The following GSG1L variants were observed in gnomAD, a reference collection of about 807,000 sequenced individuals.
GSG1L encodes germ cell-specific gene 1-like protein.
GSG1L carries 24 observed loss-of-function variants against 42.1 expected under a neutral mutation model. The observed-to-expected ratio is 0.57, with a 90% CI of 0.41 to 0.80. GSG1L has a LOEUF of 0.80. Ranked by LOEUF, GSG1L falls within the 30% of genes least tolerant of loss-of-function variation. GSG1L has a pLI of 0.00. For synonymous variants in GSG1L, 215 were observed against 203.5 expected (o/e 1.06, Z -0.48); for missense variants, 445 against 472.2 (o/e 0.94, Z 0.53).
At chr16:28,043,005 A>C (rs961820310) in intron 1 of GSG1L, among the ~76,000 whole-genome samples, 5 of 152,240 alleles carry the variant, frequency 3.3e-5, no homozygotes, top group African/African-American at 1.2e-4. Flanking sequence ...TCCTACGGAA[A>C]ATTGAATCAA....
At chr16:27,811,018 C>A (rs2083025122) in intron 5 of GSG1L, among the ~76,000 whole-genome samples, 1 of 151,762 alleles carries the variant, frequency 6.6e-6, no homozygotes, top group African/African-American at 2.4e-5. Context: ...AACATCTTGG[C>A]TATTTTCCTG....
chr16:27,916,106 C>T (rs979701251), intron 2 of GSG1L, among the ~76,000 whole-genome samples: 3 of 152,152 alleles, frequency 2.0e-5, no homozygotes, highest in African/African-American at 7.2e-5. Flanking sequence ...CCTCTAACCC[C>T]TGAGACACCC....
chr16:27,923,792 CAGAG>C (rs201590462), intron 2 of GSG1L, among the ~76,000 whole-genome samples: 8 of 148,194 alleles, frequency 5.4e-5, no homozygotes, highest in African/African-American at 1.5e-4. Flanking sequence ...GAAAGAAAGA[CAGAG>C]AGAGAGAGAG....
chr16:28,008,170 T>C (rs1299477124), intron 1 of GSG1L, among the ~76,000 whole-genome samples: 1 of 151,668 alleles, frequency 6.6e-6, no homozygotes. Flanking sequence ...ACCTCCGCCT[T>C]CTGGGTTCAA....
chr16:27,979,804 A>AG (rs1470175483), intron 1 of GSG1L, among the ~76,000 whole-genome samples: 13 of 125,996 alleles, frequency 1.0e-4, no homozygotes, highest in African/African-American at 4.0e-4. Context: ...AAGGAAAGAA[A>AG]GAAAGAAAGA....
rs1270622665 is a variant in GSG1L, at chr16:27,791,250, G to A, written c.*120C>T. On this transcript the variant is annotated 3_prime_UTR_variant, in exon 7 of 7. Transcript: ENST00000447459. ...GCAGGACAGGCCTGGCATCTCCCAC[G>A]CAGGCTGACTGAGTTCACGGCACAC... 2.1e-5 allele frequency: 12 copies of A among 573,256 alleles called. No homozygotes were observed. The highest frequency in any genetic ancestry group is 3.3e-5 in the East Asian group (1 of 30,148). The allele number at this position is 573,256 out of a possible 1,614,324, so 35.5% of individuals were successfully genotyped here.
intron 2 of GSG1L, among the ~76,000 whole-genome samples, chr16:27,910,609 T>C (rs938463943): frequency 6.6e-6 from 1 of 152,222 alleles, no homozygotes; most frequent in African/African-American, 2.4e-5. Flanking sequence ...ATGAACTGCA[T>C]GGTTCATGAC....
At chr16:27,980,331 C>T (rs77876799) in intron 1 of GSG1L, among the ~76,000 whole-genome samples, 4 of 152,106 alleles carry the variant, frequency 2.6e-5, no homozygotes, top group Non-Finnish European at 5.9e-5. Flanking sequence ...GTCTGAAGAT[C>T]GTGACTTAAT....
At chr16:27,895,932 G>C (rs1280159836) in intron 2 of GSG1L, among the ~76,000 whole-genome samples, 1 of 152,206 alleles carries the variant, frequency 6.6e-6, no homozygotes, top group East Asian at 1.9e-4. Context: ...GGAGATGACT[G>C]TTTTCTGCAT....
chr16:27,866,763 G>A (rs1216868689), intron 3 of GSG1L, among the ~76,000 whole-genome samples: 1 of 151,998 alleles, frequency 6.6e-6, no homozygotes, highest in East Asian at 1.9e-4. Context: ...GTAGAATCAG[G>A]GTTTCACCGC....
At chr16:28,060,429 T>C (rs1370318223) in intron 1 of GSG1L, among the ~76,000 whole-genome samples, 1 of 152,092 alleles carries the variant, frequency 6.6e-6, no homozygotes, top group Non-Finnish European at 1.5e-5. Flanking sequence ...ATAACTATTT[T>C]CCAAGCTCTC....
chr16:27,854,404 A>T (rs1046294919), intron 3 of GSG1L, among the ~76,000 whole-genome samples: 7 of 151,664 alleles, frequency 4.6e-5, no homozygotes, highest in Admixed American at 4.6e-4. Context: ...CCAAGAAGGA[A>T]TGAGCTGCAC....
chr16:27,879,974 TCTGC>T (rs10534653), intron 3 of GSG1L, among the ~76,000 whole-genome samples: 94,815 of 151,324 alleles, frequency 0.63, 30,266 homozygotes, highest in Admixed American at 0.75. Flanking sequence ...TGCCCCAGTC[TCTGC>T]TTTCTCTACC....
In GSG1L at chr16:27,791,419, T is replaced by C; in HGVS notation, c.947A>G (p.Glu316Gly). 6.5e-7 allele frequency: 1 copy of C among 1,529,202 alleles called. No individual in the cohort carries two copies. 94.7% of individuals were successfully genotyped at this position (1,529,202 alleles called of 1,614,324 possible). ...GCACTGTCGGTTCAGCTCTGGTGCT[T>C]CCTGTGCGGAGCTCCGGGGCCAGGA... ...ADSWPRSSAQ[E>G]APELNRQCWV... is the part of the protein sequence containing the mutation. The change falls in exon 7 of 7, where the codon GAA (glutamate) becomes GGA (glycine). Residue 316 changes from glutamate (E) to glycine (G), a missense_variant. Transcript: ENST00000447459.
At chr16:27,992,400 C>T (rs1407517109) in intron 1 of GSG1L, among the ~76,000 whole-genome samples, 1 of 151,788 alleles carries the variant, frequency 6.6e-6, no homozygotes, top group Non-Finnish European at 1.5e-5. Context: ...GAGGCTGAGG[C>T]AGGAGAATCA....
chr16:28,024,173 A>G (rs1254739965), intron 1 of GSG1L, among the ~76,000 whole-genome samples: 1 of 151,974 alleles, frequency 6.6e-6, no homozygotes, highest in African/African-American at 2.4e-5. Context: ...GCCATAAATA[A>G]CCCCTTCAAT....
intron 2 of GSG1L, among the ~76,000 whole-genome samples, chr16:27,923,794 G>C (rs2084559261): frequency 1.3e-5 from 2 of 149,698 alleles, no homozygotes; most frequent in African/African-American, 4.9e-5. Context: ...AAGAAAGACA[G>C]AGAGAGAGAG....
At chr16:28,006,996 C>T (rs1381026603) in intron 1 of GSG1L, among the ~76,000 whole-genome samples, 3 of 152,284 alleles carry the variant, frequency 2.0e-5, no homozygotes, top group East Asian at 1.9e-4. Context: ...ACACTGAGAG[C>T]CCCCAGGGAG....
chr16:27,832,945 G>A (rs980243194), intron 4 of GSG1L, among the ~76,000 whole-genome samples: 1 of 152,114 alleles, frequency 6.6e-6, no homozygotes, highest in Non-Finnish European at 1.5e-5. Flanking sequence ...AGGGTCTCTT[G>A]TGGAACAAAT....
Sources: allele counts gnomAD v4.1 joint callset (sites outside exome capture counted in the v4.1 genomes callset), GRCh38; gene constraint gnomAD v4.1.1; transcripts MANE v1.5; gene names NCBI Gene and HGNC (gene_info 2026-07-23, HGNC 2026-07-21).